ASTN2: variants seen among roughly 807,000 people sequenced by gnomAD.
ASTN2 encodes astrotactin 2, also known as astrotactin-2.
In ASTN2, 54 loss-of-function variants were observed where a neutral mutation model predicts 139.8. That is an observed-to-expected ratio of 0.39 (90% CI 0.31 to 0.48). The LOEUF (loss-of-function observed/expected upper bound fraction) is 0.48. Ranked by LOEUF, ASTN2 falls within the 20% of genes least tolerant of loss-of-function variation. ASTN2 has a pLI of 0.95. For missense variants in ASTN2, 1,565 were observed against 1,725.1 expected (o/e 0.91, Z 1.64); for synonymous variants, 756 against 719.5 (o/e 1.05, Z -0.81).
chr9:116,773,517 G>C (rs532881595), intron 13 of ASTN2, among the ~76,000 whole-genome samples: 1 of 152,196 alleles, frequency 6.6e-6, no homozygotes, highest in Non-Finnish European at 1.5e-5. Context: ...CCTTCATAAG[G>C]GAGAACCTCA....
intron 20 of ASTN2, among the ~76,000 whole-genome samples, chr9:116,471,617 G>A (rs1210215145): frequency 6.6e-6 from 1 of 152,028 alleles, no homozygotes; most frequent in Non-Finnish European, 1.5e-5. Context: ...TGGAGGGAGG[G>A]GGGAATTCAT....
intron 14 of ASTN2, among the ~76,000 whole-genome samples, chr9:116,732,476 C>T (rs1828811652): frequency 6.6e-6 from 1 of 152,138 alleles, no homozygotes; most frequent in Non-Finnish European, 1.5e-5. Flanking sequence ...TGGGGTCTTC[C>T]CTGGGGAACA....
At chr9:116,484,464 T>C (rs571632629) in intron 20 of ASTN2, among the ~76,000 whole-genome samples, 57 of 152,228 alleles carry the variant, frequency 3.7e-4, no homozygotes, top group African/African-American at 1.2e-3. Flanking sequence ...ACAGTCTTCT[T>C]GGCTCAAGAG....
chr9:116,783,318 CTCCCTCTA>C, intron 13 of ASTN2, among the ~76,000 whole-genome samples: 1 of 129,982 alleles, frequency 7.7e-6, no homozygotes, highest in African/African-American at 2.8e-5. Flanking sequence ...CCCTCCCTCT[CTCCCTCTA>C]TCTCTCTTTC....
chr9:116,785,518 T>G (rs1408701227), intron 13 of ASTN2, among the ~76,000 whole-genome samples: 1 of 152,198 alleles, frequency 6.6e-6, no homozygotes, highest in African/African-American at 2.4e-5. Context: ...ATGATTGCAA[T>G]GTTTCACAAT....
chr9:116,884,609 T>C (rs1833541723), intron 10 of ASTN2, among the ~76,000 whole-genome samples: 1 of 151,786 alleles, frequency 6.6e-6, no homozygotes, highest in Non-Finnish European at 1.5e-5. Flanking sequence ...GACGCAGAGG[T>C]TGCAGTGGGC....
chr9:116,489,813 C>G (rs1053676885), intron 19 of ASTN2, among the ~76,000 whole-genome samples: 2 of 152,142 alleles, frequency 1.3e-5, no homozygotes, highest in Non-Finnish European at 2.9e-5. Context: ...TTCTTGGTTT[C>G]TATTTTTCAC....
intron 10 of ASTN2, among the ~76,000 whole-genome samples, chr9:116,903,948 CT>C (rs1405533243): frequency 2.0e-5 from 3 of 152,200 alleles, no homozygotes; most frequent in African/African-American, 7.2e-5. Flanking sequence ...CCTCCCTCAG[CT>C]TTTGGGCTTT....
intron 5 of ASTN2, among the ~76,000 whole-genome samples, chr9:117,044,066 T>C (rs1226275444): frequency 6.6e-6 from 1 of 152,154 alleles, no homozygotes; most frequent in Non-Finnish European, 1.5e-5. Flanking sequence ...TGGGTCAATA[T>C]GTGTCTAATG....
intron 1 of ASTN2, among the ~76,000 whole-genome samples, chr9:117,357,599 G>A (rs922273657): frequency 1.3e-5 from 2 of 152,002 alleles, no homozygotes; most frequent in African/African-American, 2.4e-5. Flanking sequence ...AGAGAAGGTG[G>A]AATTAAAGTC....
intron 5 of ASTN2, among the ~76,000 whole-genome samples, chr9:117,050,321 G>T (rs551485521): frequency 2.0e-4 from 30 of 152,146 alleles, no homozygotes; most frequent in Non-Finnish European, 3.8e-4. Flanking sequence ...TATCTTGGAA[G>T]ATGTCAGTGG....
intron 10 of ASTN2, among the ~76,000 whole-genome samples, chr9:116,922,344 A>G (rs937115231): frequency 2.6e-5 from 4 of 152,200 alleles, no homozygotes; most frequent in African/African-American, 9.6e-5. Context: ...ATATTGCTAC[A>G]ATGCCAGATT....
At chr9:117,066,561 A>T (rs1271055736) in intron 5 of ASTN2, among the ~76,000 whole-genome samples, 2 of 150,432 alleles carry the variant, frequency 1.3e-5, no homozygotes, top group East Asian at 4.0e-4. Context: ...GTCAAATGGT[A>T]TTTCTAGTTC....
At chr9:116,697,656 CT>C in intron 16 of ASTN2, 8 of 1,546,082 alleles carry the variant, frequency 5.2e-6, no homozygotes, top group Non-Finnish European at 7.1e-6. Flanking sequence ...TTCTTTTTCT[CT>C]TTAGCAGGAA....
At chr9:116,496,067 T>G (rs1849660339) in intron 19 of ASTN2, among the ~76,000 whole-genome samples, 1 of 152,200 alleles carries the variant, frequency 6.6e-6, no homozygotes, top group Admixed American at 6.5e-5. Flanking sequence ...AAATGTCACT[T>G]GCTCAGAAAG....
chr9:116,666,325 T>C (rs1431651412), intron 16 of ASTN2, among the ~76,000 whole-genome samples: 1 of 152,200 alleles, frequency 6.6e-6, no homozygotes, highest in Non-Finnish European at 1.5e-5. Context: ...TGCAGACTTG[T>C]ATAGGGAAAA....
At position 116,442,447 on chromosome 9, in the gene ASTN2, A is replaced by AC; in HGVS notation, c.3598+5dup. 1 of 1,613,436 alleles carries AC rather than the reference A, an allele frequency of 6.2e-7. No homozygotes were observed. The highest frequency in any genetic ancestry group is 1.7e-5 in the Admixed American group (1 of 60,004). ...TACTTTGGAGTTGAAAAACTGGGTT[A>AC]CCTACCTTCTGCCTTGTTGTCATCT... On this transcript the variant is annotated splice_donor_region_variant and intron_variant, in intron 21 of 22. Coordinates refer to ENST00000313400, the MANE Select transcript of ASTN2 (RefSeq NM_001365068.1).
rs535071966 is a variant in ASTN2 at position 117,098,744 on chromosome 9, G to T, written c.1169-2593C>A. Among the ~76,000 whole-genome samples the T allele has an allele frequency of 2.0e-5, 3 of 151,150 alleles. No homozygotes were observed. In the South Asian group the frequency reaches 6.3e-4, roughly 32 times the overall value. ...AGCAGAGGTCCCCAGAAGCCAGTAG[G>T]GCTTTTAAAATTGCCATTAAAATAT... is the stretch of plus-strand genomic sequence containing the variant. On this transcript the variant is annotated intron_variant, in intron 4 of 22. Coordinates refer to ENST00000313400, the MANE Select transcript of ASTN2 (RefSeq NM_001365068.1).
chr9:116,851,511 T>TATCC (rs1296764494), intron 11 of ASTN2, among the ~76,000 whole-genome samples: 4 of 151,590 alleles, frequency 2.6e-5, no homozygotes, highest in Non-Finnish European at 5.9e-5. Context: ...TCTATCTATC[T>TATCC]ATCTAGTTAT....
Sources: allele counts gnomAD v4.1 joint callset (sites outside exome capture counted in the v4.1 genomes callset), GRCh38; gene constraint gnomAD v4.1.1; transcripts MANE v1.5; gene names NCBI Gene and HGNC (gene_info 2026-07-23, HGNC 2026-07-21).